Variants in SIMC1 observed in about 807,000 individuals in gnomAD.
SIMC1 encodes SUMO interacting motifs containing 1.
SIMC1 carries 55 observed loss-of-function variants against 82.3 expected under a neutral mutation model. The ratio of observed to expected loss-of-function variants is 0.67; its 90% CI spans 0.54 to 0.84. The LOEUF is 0.84. SIMC1 is among the 40% of genes least tolerant of loss of function. The pLI, the probability that SIMC1 is intolerant of heterozygous loss-of-function variation, is 0.00. For synonymous variants in SIMC1, 353 were observed against 426.3 expected (o/e 0.83, Z 2.12); for missense variants, 915 against 1,107.2 (o/e 0.83, Z 2.46).
chr5:176,287,306 A>G (rs376035614), intron 1 of SIMC1, among the ~76,000 whole-genome samples: 1 of 152,238 alleles, frequency 6.6e-6, no homozygotes, highest in Non-Finnish European at 1.5e-5. Context: ...GCCATAAAAA[A>G]TGATGAGTTC....
intron 1 of SIMC1, among the ~76,000 whole-genome samples, chr5:176,286,408 T>A (rs1475778344): frequency 2.0e-5 from 3 of 152,246 alleles, no homozygotes; most frequent in Non-Finnish European, 2.9e-5. Context: ...ATTTAATAAA[T>A]GGTGCTGGGA....
intron 4 of SIMC1, among the ~76,000 whole-genome samples, chr5:176,298,555 G>T (rs1469836512): frequency 6.6e-6 from 1 of 152,188 alleles, no homozygotes; most frequent in East Asian, 1.9e-4. Flanking sequence ...AACCCAGAAG[G>T]TGGAGGTTGC....
chr5:176,242,845 G>A (rs926674965), intron 1 of SIMC1, among the ~76,000 whole-genome samples: 32 of 152,036 alleles, frequency 2.1e-4, no homozygotes, highest in Admixed American at 1.4e-3. Context: ...AGTCCCTGCC[G>A]TCATGGAGAT....
rs1263801031 is a variant in SIMC1, at chr5:176,313,600, T to C, written c.1735-91T>C. On this transcript the variant is annotated intron_variant, in intron 4 of 9. Transcript: ENST00000429602. ...AGGCATACTTGTTGATGCATGGCCT[T>C]CTCTTGGGCTTAGTATTTATGAGAG... 1.5e-5 allele frequency: 23 copies of C among 1,571,894 alleles called. No homozygotes were observed. The South Asian group carries it at 2.3e-4, about 16-fold the overall frequency.
chr5:176,292,671 C>T (rs563383774), intron 2 of SIMC1, among the ~76,000 whole-genome samples: 2 of 152,154 alleles, frequency 1.3e-5, no homozygotes, highest in South Asian at 4.1e-4. Flanking sequence ...CAGCCTCCCG[C>T]GTAGCTGGGT....
chr5:176,322,381 C>A lies in SIMC1; in HGVS notation c.1998C>A (p.Ser666Arg), dbSNP rs1301776887. 4 of 1,608,370 alleles carry A rather than the reference C, an allele frequency of 2.5e-6. No individual in the cohort carries two copies. Among genetic ancestry groups the A allele is most frequent in the African/African-American group, 1.3e-5 (1 of 74,844 alleles). ...SGTGILKASS[S>R]HPSSQPNLTK... ...CAGGAATCTTGAAAGCCAGCAGTAG[C>A]CACCCTTCTTCCCAGCCCAACCTGA... Residue 666 changes from serine (S) to arginine (R), a missense_variant, in exon 6 of 10, where the codon AGC becomes AGA. Ser to Arg is a moderately radical substitution (Grantham distance 110). This residue lies in a region of SIMC1 where 902 missense variants were observed against 1,040.3 expected (regional missense o/e 0.87). Transcript: ENST00000429602.
chr5:176,337,309 A>G (rs1236442154), intron 9 of SIMC1, among the ~76,000 whole-genome samples, 163 bp downstream of exon 9: 1 of 152,228 alleles, frequency 6.6e-6, no homozygotes, highest in Admixed American at 6.5e-5. Context: ...CCACTGTGAA[A>G]AGAATTCACA....
intron 1 of SIMC1, among the ~76,000 whole-genome samples, chr5:176,262,595 A>T (rs1355126506): frequency 6.6e-6 from 1 of 152,260 alleles, no homozygotes; most frequent in Admixed American, 6.5e-5. Context: ...ACTTGTGGCC[A>T]GGAGTTCGAG....
rs778801203 is a variant in SIMC1, at chr5:176,290,242, T to G, written c.718T>G (p.Ser240Ala). The G allele has an allele frequency of 2.4e-5, 39 of 1,608,542 alleles. No individual in the cohort carries two copies. Among genetic ancestry groups the G allele is most frequent in the East Asian group, 9.0e-5 (4 of 44,690 alleles). ...AGCCTCACCATGTCCACCACGAGCC[T>G]CCTCATGCCCACCACGAGCCTTGTC... ...PRASPCPPRA[S>A]SCPPRALSCP... The change falls in exon 2 of 10, where the codon TCC becomes GCC. Residue 240 changes from serine to alanine, a missense_variant. Ser to Ala is a moderately conservative substitution (Grantham distance 99). This residue lies in a region of SIMC1 where 902 missense variants were observed against 1,040.3 expected (regional missense o/e 0.87). Coordinates refer to ENST00000429602, the MANE Select transcript of SIMC1 (RefSeq NM_001308195.2).
intron 4 of SIMC1, among the ~76,000 whole-genome samples, chr5:176,299,195 A>G (rs530836720): frequency 2.0e-4 from 31 of 152,312 alleles, no homozygotes; most frequent in Admixed American, 1.0e-3. Flanking sequence ...GGAGTTCAGG[A>G]CCAGCCTAGA....
chr5:176,309,814 A>G (rs1330764480), intron 4 of SIMC1, among the ~76,000 whole-genome samples: 1 of 152,206 alleles, frequency 6.6e-6, no homozygotes, highest in Non-Finnish European at 1.5e-5. Context: ...CATGACACAC[A>G]CCAGTAGTCC....
intron 4 of SIMC1, among the ~76,000 whole-genome samples, chr5:176,306,845 C>T (rs529341035): frequency 2.0e-5 from 3 of 151,680 alleles, no homozygotes; most frequent in Admixed American, 2.0e-4. Flanking sequence ...CTGACCTTCC[C>T]TCCACTGTTG....
chr5:176,252,736 G>A (rs1303804923), intron 1 of SIMC1, among the ~76,000 whole-genome samples: 1 of 151,894 alleles, frequency 6.6e-6, no homozygotes, highest in Non-Finnish European at 1.5e-5. Flanking sequence ...CCCAGATGGG[G>A]TGGCGGCCGG....
chr5:176,284,487 A>T (rs1763171659), intron 1 of SIMC1, among the ~76,000 whole-genome samples: 1 of 152,352 alleles, frequency 6.6e-6, no homozygotes, highest in African/African-American at 2.4e-5. Flanking sequence ...GAGAACAAAG[A>T]CACAACATAC....
rs1489578072 is a variant in SIMC1 at position 176,293,742 on chromosome 5, C to T, written c.1432-1288C>T. Among the ~76,000 whole-genome samples the T allele has an allele frequency of 2.3e-5, 3 of 132,726 alleles. No individual in the cohort carries two copies. The Admixed American group carries it at 2.3e-4, about 10-fold the overall frequency. 87.1% of individuals were successfully genotyped at this position (132,726 alleles called of 152,430 possible). ...CAGCCTGGGTGACAGAGCCAGACTTCATCTCAAAAAAAAAAAAAAAATTAA... is the reference window on the plus strand; with the variant it reads ...CAGCCTGGGTGACAGAGCCAGACTTTATCTCAAAAAAAAAAAAAAAATTAA... On this transcript the variant is annotated intron_variant, in intron 2 of 9. Transcript: ENST00000429602.
At chr5:176,277,186 C>T (rs1170400055) in intron 1 of SIMC1, among the ~76,000 whole-genome samples, 3 of 151,926 alleles carry the variant, frequency 2.0e-5, no homozygotes, top group East Asian at 3.9e-4. Context: ...ATTTGCATTT[C>T]TCTGATGGCC....
At chr5:176,263,917 A>T (rs1433553693) in intron 1 of SIMC1, among the ~76,000 whole-genome samples, 4 of 152,260 alleles carry the variant, frequency 2.6e-5, no homozygotes, top group African/African-American at 9.6e-5. Context: ...ATGATTGTGC[A>T]GGCATAGGGT....
chr5:176,319,020 G>A (rs1451021019), intron 5 of SIMC1, among the ~76,000 whole-genome samples: 1 of 152,162 alleles, frequency 6.6e-6, no homozygotes, highest in Non-Finnish European at 1.5e-5. Context: ...GAGATAGGAG[G>A]ATCACTTGAG....
intron 1 of SIMC1, among the ~76,000 whole-genome samples, chr5:176,256,843 A>G (rs1468570321): frequency 6.6e-6 from 1 of 152,136 alleles, no homozygotes; most frequent in Non-Finnish European, 1.5e-5. Context: ...CCTGGGCTCA[A>G]GTAATCTCCT....
Sources: gnomAD v4.1 joint callset for allele counts (sites outside exome capture counted in the v4.1 genomes callset) on GRCh38, gnomAD v4.1.1 for gene constraint, gnomAD v4.1.1 regional missense constraint, MANE v1.5 for transcripts, NCBI Gene and HGNC (gene_info 2026-07-23, HGNC 2026-07-21) for gene names.